HPD: variants seen among roughly 807,000 people sequenced by gnomAD.
The protein encoded by HPD is 4-hydroxyphenylpyruvic acid oxidase.
HPD carries 35 observed loss-of-function variants against 56.9 expected under a neutral mutation model. The observed-to-expected ratio is 0.62, with a 90% CI of 0.47 to 0.82. The LOEUF is 0.82. Among genes scored for constraint, HPD ranks in the 40% least tolerant of loss-of-function variants. HPD has a pLI of 0.00. For synonymous variants in HPD, 186 were observed against 200.2 expected (o/e 0.93, Z 0.60); for missense variants, 442 against 506.8 (o/e 0.87, Z 1.23).
At chr12:121,872,148 A>C in the HPD span, among the ~76,000 whole-genome samples, 1 of 149,484 alleles carries the variant, frequency 6.7e-6, no homozygotes, top group Admixed American at 6.6e-5. Flanking sequence ...GCTGAGGCAG[A>C]GAATTGCTTG....
At chr12:121,853,390 AG>A in intron 7 of HPD, among the ~76,000 whole-genome samples, 1 of 152,062 alleles carries the variant, frequency 6.6e-6, no homozygotes, top group Non-Finnish European at 1.5e-5. Flanking sequence ...GCACTTTGGG[AG>A]GCTGAGGCGG....
chr12:121,864,985 C>T (rs919975834), upstream of HPD, among the ~76,000 whole-genome samples: 6 of 151,268 alleles, frequency 4.0e-5, no homozygotes, highest in Non-Finnish European at 3.0e-5. Context: ...ATATTATAAA[C>T]GTCTGGGCAT....
upstream of HPD, among the ~76,000 whole-genome samples, chr12:121,867,766 G>A (rs1369006550): frequency 6.6e-6 from 1 of 151,804 alleles, no homozygotes; most frequent in Non-Finnish European, 1.5e-5. Flanking sequence ...CGCCTGCCTC[G>A]GCCTCCCAAA....
At chr12:121,847,324 T>C in intron 9 of HPD, 110 bp from the exon 10 acceptor site, 1 of 920,430 alleles carries the variant, frequency 1.1e-6, no homozygotes, top group Non-Finnish European at 1.8e-6. Flanking sequence ...AGAAAGGAGA[T>C]GCCACTGCCA....
chr12:121,849,663 ACCTCT>A lies in HPD; in HGVS notation c.518+19_518+23del. The A allele has an allele frequency of 6.8e-7, 1 of 1,479,728 alleles. No homozygotes were observed. Among genetic ancestry groups the A allele is most frequent in the Non-Finnish European group, 9.5e-7 (1 of 1,057,618 alleles). 91.7% of individuals were successfully genotyped at this position (1,479,728 alleles called of 1,614,324 possible). A position where few individuals can be genotyped will look rare whatever the true frequency, so the allele number is the denominator to read the frequency against. ...CACAGTCCCTCAGGGCTTTCCACCC[ACCTCT>A]GCCCTGAGGGACACTCACAGTTTAG... On this transcript the variant is annotated intron_variant, in intron 8 of 13. Transcript: ENST00000289004.
chr12:121,864,770 G>A (rs1240532923), upstream of HPD, among the ~76,000 whole-genome samples: 1 of 151,244 alleles, frequency 6.6e-6, no homozygotes, highest in Non-Finnish European at 1.5e-5. Flanking sequence ...GGAGAATGGA[G>A]TGAACCCGGG....
chr12:121,849,580 G>A (rs1877695474), intron 8 of HPD, 107 bp downstream of exon 8: 2 of 792,262 alleles, frequency 2.5e-6, no homozygotes, highest in Admixed American at 3.9e-5. Flanking sequence ...TCCCTAGCCG[G>A]CTCCATTCTG....
At chr12:121,870,519 A>C in the HPD span, among the ~76,000 whole-genome samples, 1 of 152,014 alleles carries the variant, frequency 6.6e-6, no homozygotes, top group African/African-American at 2.4e-5. Flanking sequence ...AAAAAAAAAA[A>C]AAGAAGGCAA....
chr12:121,866,083 G>T (rs1362224414), upstream of HPD, among the ~76,000 whole-genome samples: 2 of 152,072 alleles, frequency 1.3e-5, no homozygotes, highest in East Asian at 3.9e-4. Flanking sequence ...GGATCACGAG[G>T]TCGGGAGATC....
At chr12:121,873,806 A>C in the HPD span, among the ~76,000 whole-genome samples, 1 of 109,864 alleles carries the variant, frequency 9.1e-6, no homozygotes, top group African/African-American at 3.6e-5. Context: ...GGAGACAGAG[A>C]CTCCGTCTCA....
intron 4 of HPD, chr12:121,857,090 T>C (rs1182306287): frequency 1.9e-6 from 1 of 535,070 alleles, no homozygotes; most frequent in East Asian, 3.3e-5. Context: ...TTTTTGTTTT[T>C]TTTTGTTGAG....
the HPD span, among the ~76,000 whole-genome samples, chr12:121,880,132 G>A: frequency 2.0e-5 from 3 of 149,352 alleles, no homozygotes; most frequent in Non-Finnish European, 4.4e-5. Flanking sequence ...GAGTGACAGA[G>A]CGAGACCCTG....
At chr12:121,849,644 C>A (rs774121784) in intron 8 of HPD, 43 bp downstream of exon 8, 3 of 1,277,448 alleles carry the variant, frequency 2.3e-6, no homozygotes, top group Non-Finnish European at 2.3e-6. Context: ...TTTTCACAGT[C>A]CCTCAGGGCT....
the HPD span, among the ~76,000 whole-genome samples, chr12:121,880,921 A>C: frequency 9.9e-5 from 15 of 152,158 alleles, no homozygotes; most frequent in African/African-American, 3.6e-4. Context: ...CAGCCTCCCA[A>C]GTAGCTGGGA....
the HPD span, among the ~76,000 whole-genome samples, chr12:121,870,843 G>A: frequency 1.3e-5 from 2 of 151,836 alleles, no homozygotes; most frequent in African/African-American, 2.4e-5. Context: ...TGATCCGCCC[G>A]CCTCGGTCTC....
intron 12 of HPD, among the ~76,000 whole-genome samples, chr12:121,843,460 C>T (rs1040805663): frequency 6.6e-6 from 1 of 152,244 alleles, no homozygotes; most frequent in Non-Finnish European, 1.5e-5. Flanking sequence ...GAGGCCCTCC[C>T]TGACCAGTCT....
chr12:121,852,910 G>T (rs1345188858), intron 7 of HPD, among the ~76,000 whole-genome samples: 2 of 152,062 alleles, frequency 1.3e-5, no homozygotes, highest in Non-Finnish European at 2.9e-5. Context: ...GGGATTATGG[G>T]CGTGAGCCAC....
chr12:121,850,389 T>C (rs377415958), intron 7 of HPD, among the ~76,000 whole-genome samples: 1 of 147,602 alleles, frequency 6.8e-6, no homozygotes, highest in East Asian at 2.1e-4. Flanking sequence ...ATCGTGCCAC[T>C]ACACTCCAGC....
At chr12:121,884,925 A>G in the HPD span, among the ~76,000 whole-genome samples, 41 of 152,136 alleles carry the variant, frequency 2.7e-4, no homozygotes, top group African/African-American at 9.9e-4. Flanking sequence ...GTCTCACTAT[A>G]TGGTCCAGGC....
Sources: gnomAD v4.1 joint callset for allele counts (sites outside exome capture counted in the v4.1 genomes callset) on GRCh38, gnomAD v4.1.1 for gene constraint, MANE v1.5 for transcripts, NCBI Gene and HGNC (gene_info 2026-07-23, HGNC 2026-07-21) for gene names.